Variants in DPP6 observed in about 807,000 individuals in gnomAD.
DPP6 encodes the protein dipeptidyl peptidase like 6, also known as A-type potassium channel modulatory protein DPP6.
DPP6 carries 69 observed loss-of-function variants against 122.6 expected under a neutral mutation model. The ratio of observed to expected loss-of-function variants is 0.56; its 90% CI spans 0.46 to 0.69. The LOEUF is 0.69. Among genes scored for constraint, DPP6 ranks in the 30% least tolerant of loss-of-function variants. The pLI, the probability that DPP6 is intolerant of heterozygous loss-of-function variation, is 0.00. For synonymous variants in DPP6, 418 were observed against 433.1 expected, an observed-to-expected ratio of 0.97 and a Z score of 0.43; for missense variants, 928 against 1,116.9, an observed-to-expected ratio of 0.83 and a Z score of 2.41.
chr7:154,352,260 G>A (rs1337708398), intron 1 of DPP6, among the ~76,000 whole-genome samples: 2 of 151,998 alleles, frequency 1.3e-5, no homozygotes, highest in Non-Finnish European at 2.9e-5. Context: ...TCAGGAGATC[G>A]AGACCATCCT....
intron 5 of DPP6, among the ~76,000 whole-genome samples, chr7:154,631,702 G>C (rs1835420038): frequency 1.3e-5 from 2 of 151,942 alleles, no homozygotes; most frequent in Admixed American, 1.3e-4. Flanking sequence ...AGTTCCAAGG[G>C]AATATGGCCA....
intron 1 of DPP6, among the ~76,000 whole-genome samples, chr7:154,132,401 A>C (rs1795329344): frequency 6.6e-6 from 1 of 152,116 alleles, no homozygotes; most frequent in African/African-American, 2.4e-5. Context: ...TGGGCCACTT[A>C]ATGAGGACAC....
rs1434977282 is a variant in DPP6, at chr7:154,356,373, A to C, written c.244-89841A>C. The stretch of plus-strand genomic sequence containing the variant: ...TTGTGGATTTGTTGATTAATGATTT[A>C]TTTAAATAACTTTTGTCCTAGCTGG... On this transcript the variant is annotated intron_variant, in intron 1 of 25. Transcript: ENST00000377770. Among the ~76,000 whole-genome samples the C allele has an allele frequency of 3.9e-5, 6 of 152,190 alleles. 1 individual carries two copies. Among genetic ancestry groups the C allele is most frequent in the African/African-American group, 1.4e-4 (6 of 41,446 alleles).
rs939989914 is a variant in DPP6, at chr7:154,573,937, G to A, written c.627+7021G>A. On this transcript the variant is annotated intron_variant, in intron 5 of 25. Coordinates refer to ENST00000377770, the MANE Select transcript of DPP6 (RefSeq NM_130797.4). ...GAGGAAAGAGATTGTTTCTGTTGTG[G>A]AAGGCCACTGGCTGCTGTTGGTTTC... Among the ~76,000 whole-genome samples, 181 of 152,332 alleles carry A rather than the reference G, an allele frequency of 1.2e-3. 2 individuals carry two copies. The highest frequency in any genetic ancestry group is 0.01 in the Admixed American group (155 of 15,304).
rs1804842495 is a variant in DPP6 at position 154,876,214 on chromosome 7, C to A, written c.2078+114C>A. ...TTTCTCCACGCACACATTTTTCATG[C>A]AATTTGCTCTTACCTAAAATCTCTT... On this transcript the variant is annotated intron_variant, in intron 20 of 25. Transcript: ENST00000377770. The A allele has an allele frequency of 2.2e-6, 3 of 1,362,560 alleles. No homozygotes were observed. In the South Asian group the frequency reaches 6.0e-5, roughly 27 times the overall value. The allele number at this position is 1,362,560 out of a possible 1,614,324, so 84.4% of individuals were successfully genotyped here.
chr7:154,497,185 C>T (rs1387218833), intron 3 of DPP6, among the ~76,000 whole-genome samples: 1 of 152,164 alleles, frequency 6.6e-6, no homozygotes, highest in African/African-American at 2.4e-5. Flanking sequence ...GACTAAAAAA[C>T]TAAAATCACT....
intron 1 of DPP6, among the ~76,000 whole-genome samples, chr7:153,966,784 C>T (rs1268345960): frequency 6.6e-6 from 1 of 151,302 alleles, no homozygotes; most frequent in Non-Finnish European, 1.5e-5. Flanking sequence ...AATCTCTTGG[C>T]CAGGCTTGGT....
At chr7:153,837,028 G>C in the DPP6 span, among the ~76,000 whole-genome samples, 1 of 152,192 alleles carries the variant, frequency 6.6e-6, no homozygotes, top group Non-Finnish European at 1.5e-5. Flanking sequence ...GGGATGCAAC[G>C]TGCTCATTGT....
intron 7 of DPP6, among the ~76,000 whole-genome samples, chr7:154,719,680 G>T (rs969930782): frequency 1.3e-5 from 2 of 152,186 alleles, no homozygotes; most frequent in Non-Finnish European, 2.9e-5. Flanking sequence ...AGGGCCCTCC[G>T]TGGAGGCCAG....
intron 1 of DPP6, among the ~76,000 whole-genome samples, chr7:153,945,299 C>T (rs1277325798): frequency 2.0e-5 from 3 of 152,252 alleles, no homozygotes; most frequent in African/African-American, 4.8e-5. Flanking sequence ...TTTCCCTCTA[C>T]GGAAGTTCCC....
intron 3 of DPP6, among the ~76,000 whole-genome samples, chr7:154,490,532 C>T (rs569398213): frequency 3.9e-5 from 6 of 152,328 alleles, no homozygotes; most frequent in African/African-American, 1.4e-4. Flanking sequence ...GCCTTTTCCA[C>T]CAGATGTTAT....
chr7:154,848,684 G>T (rs1382819564), intron 16 of DPP6, among the ~76,000 whole-genome samples: 2 of 151,962 alleles, frequency 1.3e-5, no homozygotes, highest in Admixed American at 6.6e-5. Context: ...CGTTCACCTA[G>T]CTTTGCTTTT....
At chr7:153,881,964 A>G in the DPP6 span, among the ~76,000 whole-genome samples, 3 of 152,178 alleles carry the variant, frequency 2.0e-5, no homozygotes, top group Admixed American at 1.3e-4. Flanking sequence ...GTTAATTTGC[A>G]TATCACCCAC....
chr7:154,621,158 T>A (rs1396139730), intron 5 of DPP6, among the ~76,000 whole-genome samples: 4 of 152,220 alleles, frequency 2.6e-5, no homozygotes, highest in African/African-American at 9.6e-5. Context: ...GTTTCCTCCC[T>A]ATCTGAGAAG....
chr7:154,206,298 C>G (rs1799441568), intron 1 of DPP6, among the ~76,000 whole-genome samples: 1 of 152,228 alleles, frequency 6.6e-6, no homozygotes, highest in Non-Finnish European at 1.5e-5. Context: ...CCTCTGTGCT[C>G]TCTTACATAA....
rs1799781849 is a variant in DPP6 at position 154,821,651 on chromosome 7, T to TATATATATACACAC, written c.1666+14548_1666+14549insCACACATATATATA. 1.2e-4 allele frequency among the ~76,000 whole-genome samples: 1 copy of TATATATATACACAC among 8,524 alleles called. No individual in the cohort carries two copies. Among genetic ancestry groups the TATATATATACACAC allele is most frequent in the Admixed American group, 1.3e-3 (1 of 748 alleles). 5.6% of individuals were successfully genotyped at this position (8,524 alleles called of 152,430 possible). On this transcript the variant is annotated intron_variant, in intron 16 of 25. Coordinates refer to ENST00000377770, the MANE Select transcript of DPP6 (RefSeq NM_130797.4). This position sits in a 1 kb window ranked among gnomAD's most constrained non-coding sequence, Gnocchi z 4.2. Reference sequence around the variant, plus strand: ...CTGTATATATATATATATATACACATATATATATATATACACATATATATA... The same window carrying TATATATATACACAC: ...CTGTATATATATATATATATACACATATATATATACACACATATATATATATACACATATATATA...
At position 154,608,320 on chromosome 7, in the gene DPP6, CATATATATATAT is replaced by C. The variant is rs35662023; in HGVS notation, c.628-29490_628-29479del. 3.3e-5 allele frequency among the ~76,000 whole-genome samples: 3 copies of C among 89,958 alleles called. 1 individual carries two copies. Among genetic ancestry groups the C allele is most frequent in the Non-Finnish European group, 4.7e-5 (2 of 42,770 alleles). The allele number at this position is 89,958 out of a possible 152,430, so 59.0% of individuals were successfully genotyped here. A position where few individuals can be genotyped will look rare whatever the true frequency, so the allele number is the denominator to read the frequency against. On this transcript the variant is annotated intron_variant, in intron 5 of 25. Coordinates refer to ENST00000377770, the MANE Select transcript of DPP6 (RefSeq NM_130797.4). Reference sequence around the variant, plus strand: ...CATGCTTGCATTTTTTAGGAGTGATCATATATATATATATATATATATTTTGAGATGGAATCT... The same window carrying C: ...CATGCTTGCATTTTTTAGGAGTGATCATATATATATTTTGAGATGGAATCT...
At chr7:154,221,699 A>G (rs945764229) in intron 1 of DPP6, among the ~76,000 whole-genome samples, 5 of 152,142 alleles carry the variant, frequency 3.3e-5, no homozygotes, top group Non-Finnish European at 7.3e-5. Context: ...TGACTTCATT[A>G]CTCTCTGAGG....
intron 1 of DPP6, among the ~76,000 whole-genome samples, chr7:154,397,906 T>C (rs1347298612): frequency 6.6e-6 from 1 of 152,214 alleles, no homozygotes; most frequent in Admixed American, 6.5e-5. Flanking sequence ...TCTTTCTAGG[T>C]CTTGGTGCCT....
Sources: gnomAD v4.1 joint callset for allele counts (sites outside exome capture counted in the v4.1 genomes callset) on GRCh38, gnomAD v4.1.1 for gene constraint, Gnocchi (gnomAD v3.1) non-coding constraint, MANE v1.5 for transcripts, NCBI Gene and HGNC (gene_info 2026-07-23, HGNC 2026-07-21) for gene names.